CFAP91: variants seen among roughly 807,000 people sequenced by gnomAD.
The protein encoded by CFAP91 is cilia and flagella associated protein 91, also known as cilia- and flagella-associated protein 91.
A neutral mutation model predicts 95.9 loss-of-function variants in CFAP91; 85 were observed. The ratio of observed to expected loss-of-function variants is 0.89; its 90% CI spans 0.74 to 1.06. The LOEUF is 1.06. CFAP91 is among the 50% of genes least tolerant of loss of function. The pLI is 0.00. For synonymous variants in CFAP91, 335 were observed against 327.5 expected (o/e 1.02, Z -0.25); for missense variants, 962 against 943.4 (o/e 1.02, Z -0.26).
At chr3:119,707,112 T>C in intron 2 of CFAP91, 1 of 550,384 alleles carries the variant, frequency 1.8e-6, no homozygotes. Context: ...TTTATTTCAA[T>C]GGGATAAATT....
chr3:119,703,278 T>C, intron 1 of CFAP91, 56 bp downstream of exon 1: 1 of 1,594,940 alleles, frequency 6.3e-7, no homozygotes, highest in Non-Finnish European at 8.5e-7. Flanking sequence ...CCAGGTGGGC[T>C]CCCAGATGGT....
chr3:119,713,513 C>T (rs2053515058), intron 5 of CFAP91, among the ~76,000 whole-genome samples: 1 of 150,080 alleles, frequency 6.7e-6, no homozygotes, highest in African/African-American at 2.5e-5. Flanking sequence ...GGAAATATCT[C>T]TTTGTTTTTG....
chr3:119,744,011 G>A lies in CFAP91; in HGVS notation c.1717G>A (p.Gly573Arg), dbSNP rs1246352679. Residue 573 changes from glycine (G) to arginine (R), a missense_variant, in exon 14 of 18, where the codon GGA (glycine) becomes AGA (arginine). Physicochemically the swap from Gly to Arg is moderately radical, Grantham distance 125. Coordinates refer to ENST00000273390, the MANE Select transcript of CFAP91 (RefSeq NM_033364.4). ...TGAAAACCATTTGGCCGGACTGGAA[G>A]GAAGGGCACTAGCAGACATGTTTGA... ...LVENHLAGLE[G>R]RALADMFDFL... is the part of the protein sequence containing the mutation. The A allele has an allele frequency of 6.2e-7, 1 of 1,613,310 alleles. No individual in the cohort carries two copies. Among genetic ancestry groups the A allele is most frequent in the Non-Finnish European group, 8.5e-7 (1 of 1,179,424 alleles).
intron 11 of CFAP91, among the ~76,000 whole-genome samples, chr3:119,738,367 G>T (rs1464849267): frequency 2.1e-3 from 13 of 6,076 alleles, no homozygotes; most frequent in Non-Finnish European, 8.4e-3. Context: ...TTTTTTTTTT[G>T]AGACAGAATC....
In CFAP91 at chr3:119,709,811, C is replaced by G. The variant is rs562904901; in HGVS notation, c.444-28C>G. ...GAGTGCATTCATTGCAAAAGTCCCA[C>G]ACATTTATGTTTTCTTTTTCCTCCC... On this transcript the variant is annotated intron_variant, in intron 4 of 17. Coordinates refer to ENST00000273390, the MANE Select transcript of CFAP91 (RefSeq NM_033364.4). 5.3e-5 allele frequency: 84 copies of G among 1,573,490 alleles called. No homozygotes were observed. The East Asian group carries it at 1.8e-3, about 34-fold the overall frequency.
intron 1 of CFAP91, among the ~76,000 whole-genome samples, chr3:119,705,121 A>G (rs1015005350): frequency 1.3e-5 from 2 of 152,224 alleles, no homozygotes; most frequent in Non-Finnish European, 2.9e-5. Flanking sequence ...CCTCTTGTGT[A>G]TGGATTTCTC....
At chr3:119,753,506 G>GT (rs1358135195) in intron 17 of CFAP91, among the ~76,000 whole-genome samples, 2 of 152,186 alleles carry the variant, frequency 1.3e-5, no homozygotes, top group East Asian at 3.8e-4. Flanking sequence ...TTTACAGAAA[G>GT]TTAACATTAT....
chr3:119,708,912 A>G (rs1035960594), intron 4 of CFAP91, among the ~76,000 whole-genome samples: 1 of 152,214 alleles, frequency 6.6e-6, no homozygotes, highest in Non-Finnish European at 1.5e-5. Flanking sequence ...TCAAGGTCAT[A>G]TAAGCTAGCA....
At chr3:119,742,284 G>T (rs1031790486) in intron 13 of CFAP91, among the ~76,000 whole-genome samples, 5 of 152,148 alleles carry the variant, frequency 3.3e-5, no homozygotes, top group African/African-American at 4.8e-5. Flanking sequence ...TATATGCAGG[G>T]ATCTGAGGGA....
At chr3:119,753,465 G>A (rs559352459) in intron 17 of CFAP91, among the ~76,000 whole-genome samples, 2 of 152,118 alleles carry the variant, frequency 1.3e-5, no homozygotes, top group South Asian at 4.1e-4. Flanking sequence ...ATTGCTTCAA[G>A]GAACCTGCCA....
intron 16 of CFAP91, among the ~76,000 whole-genome samples, chr3:119,748,721 A>G (rs908052457): frequency 1.4e-4 from 22 of 152,306 alleles, no homozygotes; most frequent in African/African-American, 5.3e-4. Context: ...TTTCCATTGC[A>G]TGGTTGTAGT....
At chr3:119,734,594 A>C (rs937912404) in intron 10 of CFAP91, among the ~76,000 whole-genome samples, 1 of 152,210 alleles carries the variant, frequency 6.6e-6, no homozygotes, top group Non-Finnish European at 1.5e-5. Flanking sequence ...TATAAATATT[A>C]ATCTATCCTT....
At chr3:119,743,444 G>GT (rs1257953403) in intron 13 of CFAP91, among the ~76,000 whole-genome samples, 10 of 152,072 alleles carry the variant, frequency 6.6e-5, no homozygotes, top group African/African-American at 2.4e-4. Context: ...GAATATTGTT[G>GT]TTAATGACTT....
Position 119,737,415 on chromosome 3 carries a change from G to A in CFAP91, c.1394G>A (p.Arg465His), listed in dbSNP as rs59489029. Residue 465 changes from arginine (R) to histidine (H), a missense_variant, in exon 11 of 18, where the codon CGC becomes CAC. Transcript: ENST00000273390. ...GTTCTTGAAGTAAAGAAACCCCCTC[G>A]CTTCCTTCAAAGAAACCCAATACCT... ...NKVLEVKKPP[R>H]FLQRNPIPQP... 6.6e-3 allele frequency: 10,713 copies of A among 1,611,072 alleles called. 648 individuals carry two copies. The African/African-American group carries it at 0.13, about 19-fold the overall frequency.
At chr3:119,732,168 A>G (rs2053911548) in intron 8 of CFAP91, 126 bp from the exon 9 acceptor site, 1 of 687,052 alleles carries the variant, frequency 1.5e-6, no homozygotes, top group African/African-American at 1.9e-5. Flanking sequence ...GGCTGTCGTG[A>G]GTCATCAGGA....
chr3:119,756,960 C>T lies in CFAP91; in HGVS notation c.*1+5862C>T, dbSNP rs184467146. On this transcript the variant is annotated intron_variant, in intron 17 of 17. Coordinates refer to ENST00000273390, the MANE Select transcript of CFAP91 (RefSeq NM_033364.4). ...ATATTCCAAGTAAAGTCAGAATTTA[C>T]CAGACTGAATAAAAATCATACTAAA... Among the ~76,000 whole-genome samples the T allele has an allele frequency of 1.1e-3, 165 of 152,158 alleles. 2 individuals are homozygous for T. Among genetic ancestry groups the T allele is most frequent in the Admixed American group, 0.011 (164 of 15,282 alleles).
At chr3:119,763,989 C>CA (rs1329452599) in intron 17 of CFAP91, among the ~76,000 whole-genome samples, 8 of 151,980 alleles carry the variant, frequency 5.3e-5, no homozygotes, top group Non-Finnish European at 7.4e-5. Context: ...ACCCTTTCCA[C>CA]AAAAAATGAA....
rs566994345 is a variant in CFAP91 at position 119,730,343 on chromosome 3, A to T, written c.984A>T (p.Ala328=). 2 of 1,614,144 alleles carry T rather than the reference A, an allele frequency of 1.2e-6. No individual in the cohort carries two copies. The highest frequency in any genetic ancestry group is 4.5e-5 in the East Asian group (2 of 44,876). ...RWSKLQEGKE[A]KMAKIQRTHV... ...CTAAACTGCAGGAGGGAAAAGAGGC[A>T]AAAATGGCAAAAATTCAGCGCACGC... is the stretch of plus-strand genomic sequence containing the variant. The change falls in exon 8 of 18, where the codon GCA becomes GCT. Residue 328 remains alanine, a synonymous_variant. Transcript: ENST00000273390.
Position 119,747,871 on chromosome 3 carries a change from A to G in CFAP91, c.2112A>G (p.Pro704=), listed in dbSNP as rs750696465. The part of the protein sequence containing the change: ...VAELVYSFLI[P]EVQKYFVKEK... ...AGTTGGTTTATAGTTTTCTGATCCC[A>G]GAGGTGCAAAAATACTTTGTCAAAG... Residue 704 remains proline (P), a synonymous_variant, in exon 16 of 18, where the codon CCA becomes CCG. Transcript: ENST00000273390. 8 of 1,613,510 alleles carry G rather than the reference A, an allele frequency of 5.0e-6. No individual in the cohort carries two copies. The highest frequency in any genetic ancestry group is 1.7e-4 in the Middle Eastern group (1 of 6,052).
Sources: gnomAD v4.1 joint callset for allele counts (sites outside exome capture counted in the v4.1 genomes callset) on GRCh38, gnomAD v4.1.1 for gene constraint, MANE v1.5 for transcripts, NCBI Gene and HGNC (gene_info 2026-07-23, HGNC 2026-07-21) for gene names.